The following SOBP variants were observed in gnomAD, a reference collection of about 807,000 sequenced individuals.
SOBP encodes the protein sine oculis binding protein homolog.
Under a neutral mutation model 53.6 loss-of-function variants are expected in SOBP, and 4 were observed. The observed-to-expected ratio is 0.07, with a 90% CI of 0.04 to 0.17. The LOEUF (loss-of-function observed/expected upper bound fraction) is 0.17. SOBP is among the 10% of genes least tolerant of loss of function. The probability of loss-of-function intolerance (pLI) is 1.00; values close to 1 mark genes in which losing one functional copy is unlikely to be tolerated. For missense variants in SOBP, 1,088 were observed against 1,204.7 expected (o/e 0.90, Z 1.43); for synonymous variants, 584 against 522.6 (o/e 1.12, Z -1.60).
At position 107,634,392 on chromosome 6, in the gene SOBP, G is replaced by T; in HGVS notation, c.1548G>T (p.Pro516=). ...ATTTCGGGCTGCCGTCGCTTGCCCC[G>T]CTGGTGCCGCCCCCGACCCTGCTCG... ...MMNFGLPSLA[P]LVPPPTLLVP... Residue 516 remains proline (P), a synonymous_variant, in exon 6 of 7, where the codon CCG becomes CCT. Transcript: ENST00000317357. This position sits in a 1 kb window ranked among gnomAD's most constrained non-coding sequence, Gnocchi z 4.5. 1 of 1,599,730 alleles carries T rather than the reference G, an allele frequency of 6.3e-7. No homozygotes were observed.
At chr6:107,627,935 C>T (rs760489396) in intron 5 of SOBP, among the ~76,000 whole-genome samples, 1 of 152,182 alleles carries the variant, frequency 6.6e-6, no homozygotes, top group Non-Finnish European at 1.5e-5. Context: ...TGTGGGGGCT[C>T]TTCCCTCAAG....
At chr6:107,601,695 G>A (rs1786184639) in intron 5 of SOBP, among the ~76,000 whole-genome samples, 1 of 152,014 alleles carries the variant, frequency 6.6e-6, no homozygotes, top group Non-Finnish European at 1.5e-5. Context: ...GTTTTCTCTG[G>A]AACCCCCATT....
At chr6:107,639,624 A>G (rs940713690) in intron 6 of SOBP, among the ~76,000 whole-genome samples, 2 of 152,172 alleles carry the variant, frequency 1.3e-5, no homozygotes, top group Non-Finnish European at 2.9e-5. Context: ...AAAGAATTCC[A>G]TTTATAAATG....
Position 107,634,366 on chromosome 6 carries a change from A to C in SOBP, c.1522A>C (p.Asn508His), listed in dbSNP as rs751264893. The change falls in exon 6 of 7, where the codon AAT becomes CAT. Residue 508 changes from asparagine to histidine, a missense_variant. Asn to His is a moderately conservative substitution (Grantham distance 68, BLOSUM62 1). Coordinates refer to ENST00000317357, the MANE Select transcript of SOBP (RefSeq NM_018013.4). The surrounding 1 kb of genome is among the most constrained non-coding windows in gnomAD (Gnocchi z 4.5). Reference protein sequence around the residue: ...NGPMPVPQMMNFGLPSLAPLV... With the variant: ...NGPMPVPQMMHFGLPSLAPLV... The stretch of plus-strand genomic sequence containing the variant: ...CCCGATGCCGGTGCCCCAGATGATG[A>C]ATTTCGGGCTGCCGTCGCTTGCCCC... The C allele has an allele frequency of 9.4e-6, 15 of 1,593,800 alleles. No homozygotes were observed. In the South Asian group the frequency reaches 1.2e-4, roughly 13 times the overall value.
At chr6:107,655,415 A>G (rs2114256258) in intron 6 of SOBP, among the ~76,000 whole-genome samples, 1 of 152,218 alleles carries the variant, frequency 6.6e-6, no homozygotes, top group Admixed American at 6.5e-5. Flanking sequence ...CCCCTCCTCA[A>G]ATGTTATCAG....
rs544763718 is a variant in SOBP at position 107,540,434 on chromosome 6, G to T, written c.573+6824G>T. ...AGATGGTCACTTCATTTCTGTCCCAGCAGTTGAGACTGAGAATGGGAAATT... is the reference window on the plus strand; with the variant it reads ...AGATGGTCACTTCATTTCTGTCCCATCAGTTGAGACTGAGAATGGGAAATT... On this transcript the variant is annotated intron_variant, in intron 4 of 6. Transcript: ENST00000317357. Among the ~76,000 whole-genome samples the T allele has an allele frequency of 1.1e-4, 16 of 152,326 alleles. No homozygotes were observed. In the South Asian group the frequency reaches 3.3e-3, roughly 32 times the overall value.
chr6:107,529,768 A>G (rs977347931), intron 3 of SOBP, among the ~76,000 whole-genome samples: 1 of 152,202 alleles, frequency 6.6e-6, no homozygotes, highest in African/African-American at 2.4e-5. Context: ...TCTCTGCACT[A>G]TAATAAATAC....
intron 1 of SOBP, among the ~76,000 whole-genome samples, chr6:107,498,686 CA>C (rs1388021278): frequency 2.6e-5 from 4 of 152,208 alleles, no homozygotes; most frequent in Middle Eastern, 6.8e-3. Flanking sequence ...TAAGATGCAA[CA>C]AAAATTATTT....
chr6:107,503,008 G>A (rs945060353), intron 1 of SOBP, among the ~76,000 whole-genome samples: 3 of 152,176 alleles, frequency 2.0e-5, no homozygotes, highest in Admixed American at 6.5e-5. Flanking sequence ...TAATCTGTCT[G>A]CCTCAGCCTT....
chr6:107,560,596 T>G (rs1784745846), intron 4 of SOBP, among the ~76,000 whole-genome samples: 1 of 152,198 alleles, frequency 6.6e-6, no homozygotes, highest in Non-Finnish European at 1.5e-5. Context: ...TTTAAAGTTT[T>G]CACTATATTA....
At chr6:107,561,540 C>T (rs1276939158) in intron 4 of SOBP, among the ~76,000 whole-genome samples, 2 of 152,138 alleles carry the variant, frequency 1.3e-5, no homozygotes, top group Non-Finnish European at 2.9e-5. Context: ...CTGGGCCGGG[C>T]TGGGCTGGGC....
At chr6:107,524,806 A>G (rs1192483836) in intron 3 of SOBP, among the ~76,000 whole-genome samples, 1 of 152,218 alleles carries the variant, frequency 6.6e-6, no homozygotes, top group African/African-American at 2.4e-5. Flanking sequence ...GGAAATGCGC[A>G]TGCCTCAGTG....
chr6:107,594,336 T>G (rs967238462), intron 5 of SOBP, among the ~76,000 whole-genome samples: 13 of 152,188 alleles, frequency 8.5e-5, no homozygotes, highest in African/African-American at 2.9e-4. Flanking sequence ...TGCTTTCCAG[T>G]ACATCATAGA....
intron 5 of SOBP, 152 bp from the exon 6 acceptor site, chr6:107,633,362 T>G: frequency 1.1e-6 from 1 of 937,430 alleles, no homozygotes; most frequent in East Asian, 2.4e-5. Flanking sequence ...TTTACAAACA[T>G]TTCAGAATTT....
chr6:107,598,973 T>C (rs1166355310), intron 5 of SOBP, among the ~76,000 whole-genome samples: 2 of 152,198 alleles, frequency 1.3e-5, no homozygotes, highest in Non-Finnish European at 2.9e-5. Flanking sequence ...AAAATATTTG[T>C]GATCCAGAGT....
intron 5 of SOBP, among the ~76,000 whole-genome samples, chr6:107,589,371 G>C (rs376176071): frequency 2.0e-5 from 3 of 152,118 alleles, no homozygotes; most frequent in South Asian, 2.1e-4. Context: ...ACATTGCCTT[G>C]ACTTTATTAC....
chr6:107,493,294 A>G (rs571090554), intron 1 of SOBP, among the ~76,000 whole-genome samples: 21 of 152,304 alleles, frequency 1.4e-4, no homozygotes, highest in African/African-American at 5.1e-4. Context: ...AGTGTAAACT[A>G]AGCCCTGGTA....
chr6:107,516,518 C>G (rs2114964415), intron 3 of SOBP, among the ~76,000 whole-genome samples: 1 of 151,770 alleles, frequency 6.6e-6, no homozygotes, highest in East Asian at 1.9e-4. Context: ...CAGTATCACC[C>G]ACTTCTGTAC....
At chr6:107,652,136 A>G (rs1279114302) in intron 6 of SOBP, among the ~76,000 whole-genome samples, 1 of 152,212 alleles carries the variant, frequency 6.6e-6, no homozygotes, top group African/African-American at 2.4e-5. Flanking sequence ...TTTAAGAGAT[A>G]CACTTCATAA....
Sources: allele counts gnomAD v4.1 joint callset (sites outside exome capture counted in the v4.1 genomes callset), GRCh38; gene constraint gnomAD v4.1.1; non-coding constraint Gnocchi (gnomAD v3.1); transcripts MANE v1.5; gene names NCBI Gene and HGNC (gene_info 2026-07-23, HGNC 2026-07-21).